Variants in TAF1C observed in about 807,000 individuals in gnomAD.
TAF1C encodes the protein TATA-box binding protein associated factor, RNA polymerase I subunit C.
TAF1C carries 79 observed loss-of-function variants against 70.5 expected under a neutral mutation model. The ratio of observed to expected loss-of-function variants is 1.12; its 90% CI spans 0.93 to 1.35. The LOEUF (loss-of-function observed/expected upper bound fraction) is 1.35, where lower values mean the gene tolerates loss of function less well. TAF1C is among the 40% of genes most tolerant of loss of function. TAF1C has a pLI of 0.00. For missense variants in TAF1C, 1,412 were observed against 1,127.8 expected (o/e 1.25, Z -3.61); for synonymous variants, 614 against 491.1 (o/e 1.25, Z -3.31).
chr16:84,184,831 C>A lies in TAF1C; in HGVS notation c.138+20G>T. 1 of 1,584,180 alleles carries A rather than the reference C, an allele frequency of 6.3e-7. No homozygotes were observed. Among genetic ancestry groups the A allele is most frequent in the East Asian group, 2.3e-5 (1 of 43,254 alleles). On this transcript the variant is annotated intron_variant, in intron 2 of 14. Transcript: ENST00000566732. ...AGGGATGTCCCTGGAGCTGCCAGGG[C>A]CCCCTGCCTGCATCCTCACCTCTGA...
Position 84,180,085 on chromosome 16 carries a change from T to G in TAF1C, c.1484-2A>C, listed in dbSNP as rs1567587119. 3 of 1,592,346 alleles carry G rather than the reference T, an allele frequency of 1.9e-6. No individual in the cohort carries two copies. Among genetic ancestry groups the G allele is most frequent in the Non-Finnish European group, 2.6e-6 (3 of 1,171,148 alleles). ...GGCGGGGCACCGACGCCCCTTCTCC[T>G]GAGGAAGGACAGACAGCTGAGGCCC... On this transcript the variant is annotated splice_acceptor_variant, in intron 13 of 14. Coordinates refer to ENST00000566732, the MANE Select transcript of TAF1C (RefSeq NM_001243156.2). LOFTEE classifies it high-confidence loss of function.
intron 12 of TAF1C, 143 bp downstream of exon 12, chr16:84,180,900 T>A: frequency 7.0e-7 from 1 of 1,434,886 alleles, no homozygotes; most frequent in Non-Finnish European, 9.2e-7. Flanking sequence ...CCACTGCGTG[T>A]TTGGGCCACA....
chr16:84,183,632 A>G, intron 3 of TAF1C, 65 bp downstream of exon 3: 1 of 1,557,298 alleles, frequency 6.4e-7, no homozygotes. Flanking sequence ...AGGTCTCAGG[A>G]GCGGGAGCAG....
intron 1 of TAF1C, chr16:84,185,269 C>T (rs1266879790): frequency 6.0e-6 from 2 of 335,442 alleles, no homozygotes; most frequent in African/African-American, 2.1e-5. Context: ...GGCGTTTGAG[C>T]ACAGCCTGAA....
Position 84,182,437 on chromosome 16 carries a change from A to T in TAF1C, c.486T>A (p.Cys162Ter). ...GTCGGTTGCTGAGGTAAGCCCAGGG[A>T]CACCTGGGGACCAGAGAACAGCAGG... The part of the protein sequence containing the change: ...QDLGGHQPWG[C>*]PWAYLSNRQR... The change falls in exon 7 of 15, where the codon TGT becomes TGA. Residue 162 changes from cysteine to a stop codon, truncating the protein, a stop_gained. Transcript: ENST00000566732. LOFTEE classifies it high-confidence loss of function. This position sits in a 1 kb window ranked among gnomAD's most constrained non-coding sequence, Gnocchi z 5.0. 6.3e-7 allele frequency: 1 copy of T among 1,599,562 alleles called. No individual in the cohort carries two copies. Among genetic ancestry groups the T allele is most frequent in the Non-Finnish European group, 8.5e-7 (1 of 1,175,982 alleles).
At chr16:84,179,902 GT>G in intron 14 of TAF1C, 43 bp downstream of exon 14, 1 of 1,608,508 alleles carries the variant, frequency 6.2e-7, no homozygotes, top group Non-Finnish European at 8.5e-7. Flanking sequence ...GGGAGGGGAT[GT>G]TTTCCACTGC....
chr16:84,179,892 G>A (rs752651057), intron 14 of TAF1C, 41 bp from the exon 15 acceptor site: 9 of 1,609,158 alleles, frequency 5.6e-6, no homozygotes, highest in Non-Finnish European at 6.8e-6. Context: ...GCCTAGCGGG[G>A]GGAGGGGATG....
At position 84,182,461 on chromosome 16, in the gene TAF1C, G is replaced by C; in HGVS notation, c.483-21C>G. ...GACACCTGGGGACCAGAGAACAGCA[G>C]GAGGATCACTCGGTGGCACTCAGGG... On this transcript the variant is annotated intron_variant, in intron 6 of 14. Coordinates refer to ENST00000566732, the MANE Select transcript of TAF1C (RefSeq NM_001243156.2). The surrounding 1 kb of genome is among the most constrained non-coding windows in gnomAD (Gnocchi z 5.0). 3.1e-6 allele frequency: 5 copies of C among 1,588,576 alleles called. No homozygotes were observed. In the South Asian group the frequency reaches 5.6e-5, roughly 18 times the overall value.
chr16:84,182,579 T>A lies in TAF1C; in HGVS notation c.483-139A>T, dbSNP rs1256893297. ...CCTTTGGGAGACCACCCCATCCTGT[T>A]CCCATGCCCCGGAAGCAATCATGTG... On this transcript the variant is annotated intron_variant, in intron 6 of 14. Coordinates refer to ENST00000566732, the MANE Select transcript of TAF1C (RefSeq NM_001243156.2). This position sits in a 1 kb window ranked among gnomAD's most constrained non-coding sequence, Gnocchi z 5.0. 1.0e-5 allele frequency: 8 copies of A among 794,648 alleles called. No homozygotes were observed. The highest frequency in any genetic ancestry group is 1.6e-5 in the Non-Finnish European group (8 of 512,628). The allele number at this position is 794,648 out of a possible 1,614,324, so 49.2% of individuals were successfully genotyped here. A position where few individuals can be genotyped will look rare whatever the true frequency, so the allele number is the denominator to read the frequency against.
intron 3 of TAF1C, 95 bp from the exon 4 acceptor site, chr16:84,183,602 C>T: frequency 6.5e-7 from 1 of 1,542,006 alleles, no homozygotes. Context: ...TGAGCAGGCA[C>T]AGGCTTAGCA....
Position 84,181,362 on chromosome 16 carries a change from C to T in TAF1C, c.1130G>A (p.Gly377Asp). ...CAGCATCTTCACTCCGGTGCGGTCACCCACGGTCAGCACCCGAGGGTGCGC... is the reference window on the plus strand; with the variant it reads ...CAGCATCTTCACTCCGGTGCGGTCATCCACGGTCAGCACCCGAGGGTGCGC... ...FTAHPRVLTVGDRTGVKMLDT... is the reference protein window; with the variant it reads ...FTAHPRVLTVDDRTGVKMLDT... The change falls in exon 11 of 15, where the codon GGT becomes GAT. Residue 377 changes from glycine (G) to aspartate (D), a missense_variant. Physicochemically the swap from Gly to Asp is moderately conservative, Grantham distance 94. Coordinates refer to ENST00000566732, the MANE Select transcript of TAF1C (RefSeq NM_001243156.2). 6.2e-7 allele frequency: 1 copy of T among 1,613,748 alleles called. No individual in the cohort carries two copies. The highest frequency in any genetic ancestry group is 1.7e-5 in the Admixed American group (1 of 60,014).
chr16:84,185,033 T>C lies in TAF1C; in HGVS notation c.-45A>G, dbSNP rs1246769007. The C allele has an allele frequency of 6.3e-7, 1 of 1,593,132 alleles. No homozygotes were observed. The highest frequency in any genetic ancestry group is 1.1e-5 in the South Asian group (1 of 88,498). ...CACCACACTGGCCACCTCGAGAGAC[T>C]GGAAGCTGGTAAGGGGCGCCAGAGT... is the stretch of plus-strand genomic sequence containing the variant. On this transcript the variant is annotated 5_prime_UTR_variant, in exon 2 of 15. Transcript: ENST00000566732.
chr16:84,179,716 C>A lies in TAF1C; in HGVS notation c.1757G>T (p.Gly586Val). The A allele has an allele frequency of 6.2e-7, 1 of 1,612,316 alleles. No individual in the cohort carries two copies. The highest frequency in any genetic ancestry group is 8.5e-7 in the Non-Finnish European group (1 of 1,179,900). Residue 586 changes from glycine (G) to valine (V), a missense_variant, in exon 15 of 15, where the codon GGG (glycine) becomes GTG (valine). Transcript: ENST00000566732. ...QVDSSLRRDA[G>V]PPGDTQPDCH... is the part of the protein sequence containing the mutation. ...GTCAGGTTGGGTGTCGCCAGGAGGC[C>A]CAGCATCTCTGCGGAGGCTGGAGTC...
In TAF1C at chr16:84,183,440, C is replaced by T. The variant is rs368487010; in HGVS notation, c.288G>A (p.Arg96=). 301 of 1,612,336 alleles carry T rather than the reference C, an allele frequency of 1.9e-4. No homozygotes were observed. The highest frequency in any genetic ancestry group is 2.4e-4 in the Non-Finnish European group (288 of 1,179,188). ...CAGTCACATCCAGCACGACTCGGGG[C>T]CGCTTCCGATACCGGCACCCTCCGC... is the stretch of plus-strand genomic sequence containing the variant. The part of the protein sequence containing the change: ...LFRGGCRYRK[R]PRVVLDVTEQ... Residue 96 remains arginine, a synonymous_variant, in exon 4 of 15, where the codon CGG becomes CGA. Coordinates refer to ENST00000566732, the MANE Select transcript of TAF1C (RefSeq NM_001243156.2).
Position 84,185,178 on chromosome 16 carries a change from C to T in TAF1C, c.-72-118G>A, listed in dbSNP as rs916839687. Reference sequence around the variant, plus strand: ...GAGAACTGTATTAAAGCCAACCACCCGTCCAGGAGAAGGGGATCTGGTAGT... The same window carrying T: ...GAGAACTGTATTAAAGCCAACCACCTGTCCAGGAGAAGGGGATCTGGTAGT... On this transcript the variant is annotated intron_variant, in intron 1 of 14. Transcript: ENST00000566732. 18 of 595,862 alleles carry T rather than the reference C, an allele frequency of 3.0e-5. No homozygotes were observed. The East Asian group carries it at 3.7e-4, about 12-fold the overall frequency. The allele number at this position is 595,862 out of a possible 1,614,324, so 36.9% of individuals were successfully genotyped here.
intron 4 of TAF1C, 34 bp downstream of exon 4, chr16:84,183,376 G>A (rs905643073): frequency 7.7e-5 from 124 of 1,613,570 alleles, no homozygotes; most frequent in Non-Finnish European, 9.9e-5. Flanking sequence ...CAGTCTCCAG[G>A]CTACGCAGCA....
chr16:84,182,195 A>G lies in TAF1C; in HGVS notation c.721+7T>C. On this transcript the variant is annotated splice_region_variant and intron_variant, in intron 7 of 14. Transcript: ENST00000566732. The surrounding 1 kb of genome is among the most constrained non-coding windows in gnomAD (Gnocchi z 5.0). ...GCTGGAATCTCCTGTCTCGCAAGAA[A>G]GGATACGCAGCCTGTCCTGGGCGCC... 6.2e-7 allele frequency: 1 copy of G among 1,602,520 alleles called. No homozygotes were observed. The highest frequency in any genetic ancestry group is 2.2e-5 in the East Asian group (1 of 44,612).
In TAF1C at chr16:84,180,227, C is replaced by A. The variant is rs767127083; in HGVS notation, c.1426G>T (p.Val476Leu). Residue 476 changes from valine to leucine, a missense_variant, in exon 13 of 15, where the codon GTG becomes TTG. Transcript: ENST00000566732. Reference protein sequence around the residue: ...RLLPPPRPSCVQPLLLGGQGG... With the variant: ...RLLPPPRPSCLQPLLLGGQGG... ...TGGCCTCCGAGGAGCAGGGGCTGCA[C>A]GCAGCTGGGCCGGGGCGGAGGCAGC... The A allele has an allele frequency of 1.4e-5, 21 of 1,538,690 alleles. No homozygotes were observed. The highest frequency in any genetic ancestry group is 4.5e-5 in the Admixed American group (2 of 44,502).
chr16:84,180,701 C>T (rs1313844436), intron 12 of TAF1C: 11 of 898,942 alleles, frequency 1.2e-5, no homozygotes, highest in African/African-American at 3.5e-5. Flanking sequence ...CCCGGGAGGG[C>T]GGGTGGAGGA....
Sources: gnomAD v4.1 joint callset for allele counts on GRCh38, gnomAD v4.1.1 for gene constraint, Gnocchi (gnomAD v3.1) non-coding constraint, MANE v1.5 for transcripts, NCBI Gene and HGNC (gene_info 2026-07-23, HGNC 2026-07-21) for gene names.